The following CAST variants were observed in gnomAD, a reference collection of about 807,000 sequenced individuals.
The protein encoded by CAST is MIR583 host.
A neutral mutation model predicts 119.6 loss-of-function variants in CAST; 76 were observed. The ratio of observed to expected loss-of-function variants is 0.64; its 90% confidence interval spans 0.53 to 0.77. The LOEUF is 0.77. Ranked by LOEUF, CAST falls within the 30% of genes least tolerant of loss-of-function variation. CAST has a pLI of 0.00. For missense variants in CAST, 953 were observed against 946.5 expected (o/e 1.01, Z -0.09); for synonymous variants, 319 against 331.6 (o/e 0.96, Z 0.41).
the CAST span, among the ~76,000 whole-genome samples, chr5:96,190,117 T>C: frequency 6.6e-6 from 1 of 152,186 alleles, no homozygotes; most frequent in African/African-American, 2.4e-5. Flanking sequence ...AGATTCTTTG[T>C]ATGCAGGAAG....
chr5:96,396,212 A>G, the CAST span, among the ~76,000 whole-genome samples: 1 of 152,226 alleles, frequency 6.6e-6, no homozygotes, highest in Admixed American at 6.5e-5. Context: ...AAACGACTAT[A>G]GAATTTGTAT....
the CAST span, among the ~76,000 whole-genome samples, chr5:96,334,339 GA>G: frequency 6.6e-6 from 1 of 152,156 alleles, no homozygotes; most frequent in Non-Finnish European, 1.5e-5. Context: ...GGCTGGGCCA[GA>G]AAGGTCCATT....
chr5:96,162,882 G>A, the CAST span, among the ~76,000 whole-genome samples: 1 of 152,070 alleles, frequency 6.6e-6, no homozygotes, highest in East Asian at 1.9e-4. Flanking sequence ...TATGACATTT[G>A]GTCTGGTTTT....
At chr5:95,969,617 A>G in the CAST span, among the ~76,000 whole-genome samples, 1 of 152,160 alleles carries the variant, frequency 6.6e-6, no homozygotes, top group African/African-American at 2.4e-5. Flanking sequence ...GAAGAATATC[A>G]TGGCTCTGTG....
the CAST span, among the ~76,000 whole-genome samples, chr5:96,018,935 G>A: frequency 6.6e-6 from 1 of 152,124 alleles, no homozygotes; most frequent in Admixed American, 6.5e-5. Flanking sequence ...TCATTCATAC[G>A]TTTCCAGTGT....
chr5:96,259,420 T>C, the CAST span, among the ~76,000 whole-genome samples: 3 of 152,220 alleles, frequency 2.0e-5, no homozygotes, highest in Non-Finnish European at 4.4e-5. Flanking sequence ...GTATAAACCA[T>C]GACTCAGAGA....
chr5:96,358,488 A>G, the CAST span, among the ~76,000 whole-genome samples: 16 of 152,154 alleles, frequency 1.1e-4, no homozygotes, highest in Non-Finnish European at 4.4e-5. Flanking sequence ...ATTTCCCCCT[A>G]AACACTTCTT....
At chr5:96,688,876 G>A (rs995987227) in intron 2 of CAST, among the ~76,000 whole-genome samples, 1 of 152,150 alleles carries the variant, frequency 6.6e-6, no homozygotes, top group Non-Finnish European at 1.5e-5. Context: ...GCATGTATCT[G>A]CTTAGACCTT....
At chr5:96,333,224 G>A in the CAST span, among the ~76,000 whole-genome samples, 6 of 152,010 alleles carry the variant, frequency 3.9e-5, no homozygotes, top group African/African-American at 1.2e-4. Context: ...CCAGGACTCA[G>A]TGTGTGCCCG....
At chr5:96,334,117 G>T in the CAST span, among the ~76,000 whole-genome samples, 1 of 152,182 alleles carries the variant, frequency 6.6e-6, no homozygotes, top group African/African-American at 2.4e-5. Context: ...TCAGGTGCAA[G>T]AAATGTCATA....
chr5:96,329,866 T>C, the CAST span, among the ~76,000 whole-genome samples: 1 of 152,268 alleles, frequency 6.6e-6, no homozygotes, highest in African/African-American at 2.4e-5. Flanking sequence ...CTGTGCTTTG[T>C]GCAAATTAGG....
chr5:96,331,289 G>A, the CAST span, among the ~76,000 whole-genome samples: 10 of 152,174 alleles, frequency 6.6e-5, no homozygotes, highest in East Asian at 1.9e-4. Context: ...GATTACCTCC[G>A]TTACTCTTGT....
chr5:96,741,982 C>T (rs1005291550), intron 15 of CAST: 4 of 169,298 alleles, frequency 2.4e-5, no homozygotes, highest in Admixed American at 1.7e-4. Context: ...TTCACTATGA[C>T]ATAATTCTCA....
At chr5:96,421,786 A>C in the CAST span, 1 of 807,538 alleles carries the variant, frequency 1.2e-6, no homozygotes, top group Non-Finnish European at 2.2e-6. Context: ...TTTCCTGAGC[A>C]CTGGAATGTG....
the CAST span, among the ~76,000 whole-genome samples, chr5:96,007,507 A>G: frequency 6.6e-6 from 1 of 152,184 alleles, no homozygotes; most frequent in African/African-American, 2.4e-5. Context: ...TCTAACCTCC[A>G]ATGTGATGGT....
At chr5:96,662,843 A>C (rs1229373706) in intron 1 of CAST, among the ~76,000 whole-genome samples, 2 of 152,194 alleles carry the variant, frequency 1.3e-5, no homozygotes, top group African/African-American at 4.8e-5. Context: ...GTTTCACTGG[A>C]CAGCGGGATG....
At chr5:96,447,299 G>C in the CAST span, among the ~76,000 whole-genome samples, 1 of 152,224 alleles carries the variant, frequency 6.6e-6, no homozygotes, top group Non-Finnish European at 1.5e-5. Flanking sequence ...CAGTGGACTT[G>C]AGGAAGCTTA....
chr5:96,238,690 G>A, the CAST span, among the ~76,000 whole-genome samples: 33 of 151,740 alleles, frequency 2.2e-4, no homozygotes, highest in South Asian at 2.7e-3. Context: ...GTGAGCCACC[G>A]CGCCCAGCCT....
the CAST span, among the ~76,000 whole-genome samples, chr5:96,337,233 C>T: frequency 6.6e-6 from 1 of 152,068 alleles, no homozygotes; most frequent in South Asian, 2.1e-4. Flanking sequence ...CCCATAGACA[C>T]CCTAATATGC....
Sources: gnomAD v4.1 joint callset for allele counts (sites outside exome capture counted in the v4.1 genomes callset) on GRCh38, gnomAD v4.1.1 for gene constraint, MANE v1.5 for transcripts, NCBI Gene and HGNC (gene_info 2026-07-23, HGNC 2026-07-21) for gene names.